RBMS3: variants seen among roughly 807,000 people sequenced by gnomAD.
RBMS3 encodes RNA binding motif single stranded interacting protein 3, also known as RNA-binding motif, single-stranded-interacting protein 3.
A neutral mutation model predicts 66.8 loss-of-function variants in RBMS3; 27 were observed. That is an observed-to-expected ratio of 0.40 (90% CI 0.30 to 0.56). The LOEUF is 0.56. Ranked by LOEUF, RBMS3 falls within the 20% of genes least tolerant of loss-of-function variation. RBMS3 has a pLI of 0.40. For synonymous variants in RBMS3, 188 were observed against 183.0 expected (o/e 1.03, Z -0.22); for missense variants, 513 against 549.5 (o/e 0.93, Z 0.66).
rs902294576 is a variant in RBMS3, at chr3:29,593,552, A to G, written c.399+6347A>G. ...TCAATACTTTATATAGTGATGGACA[A>G]GGGCTATCTGGGGATGCTAATGTTC... On this transcript the variant is annotated intron_variant, in intron 4 of 14. Transcript: ENST00000383767. Among the ~76,000 whole-genome samples, 7 of 152,316 alleles carry G rather than the reference A, an allele frequency of 4.6e-5. No homozygotes were observed. In the East Asian group the frequency reaches 1.4e-3, roughly 29 times the overall value.
intron 4 of RBMS3, among the ~76,000 whole-genome samples, chr3:29,602,792 T>G (rs1438026751): frequency 6.6e-6 from 1 of 151,974 alleles, no homozygotes; most frequent in Non-Finnish European, 1.5e-5. Context: ...ATCTGTTAAT[T>G]TTGTTAGGGA....
chr3:29,442,639 C>T (rs574381558), intron 2 of RBMS3, among the ~76,000 whole-genome samples: 15 of 152,112 alleles, frequency 9.9e-5, no homozygotes, highest in African/African-American at 3.1e-4. Flanking sequence ...ATGCTGAATG[C>T]CTGAAAATTT....
At chr3:29,390,153 A>G (rs1469498293) in intron 1 of RBMS3, among the ~76,000 whole-genome samples, 1 of 152,194 alleles carries the variant, frequency 6.6e-6, no homozygotes, top group Non-Finnish European at 1.5e-5. Flanking sequence ...TTCCATTTTG[A>G]ATGAGTAACA....
chr3:29,452,145 G>A (rs879933511), intron 2 of RBMS3, among the ~76,000 whole-genome samples: 19 of 152,230 alleles, frequency 1.2e-4, no homozygotes, highest in Non-Finnish European at 2.2e-4. Context: ...TAAGAAGCTC[G>A]TAGTCTCTGG....
In RBMS3 at chr3:29,281,668, A is replaced by C; in HGVS notation, c.-14A>C. The C allele has an allele frequency of 6.2e-7, 1 of 1,611,624 alleles. No individual in the cohort carries two copies. Among genetic ancestry groups the C allele is most frequent in the Non-Finnish European group, 8.5e-7 (1 of 1,178,002 alleles). ...CATCCAGTTCCCTGCCTCGGAGATA[A>C]AGATTCCAGCTACATGGGCAAACGC... On this transcript the variant is annotated 5_prime_UTR_variant, in exon 1 of 15. Transcript: ENST00000383767.
chr3:29,621,903 C>A (rs2048879610), intron 4 of RBMS3, among the ~76,000 whole-genome samples: 1 of 152,158 alleles, frequency 6.6e-6, no homozygotes, highest in Non-Finnish European at 1.5e-5. Context: ...GATGCCTAAT[C>A]TAGTCTTCGC....
chr3:29,460,140 A>G (rs1355270278), intron 2 of RBMS3, among the ~76,000 whole-genome samples: 1 of 152,212 alleles, frequency 6.6e-6, no homozygotes, highest in East Asian at 1.9e-4. Flanking sequence ...AGTGACTTTG[A>G]GCCCTTTCTC....
intron 14 of RBMS3, among the ~76,000 whole-genome samples, chr3:29,992,181 A>AAATAATTT (rs1698920196): frequency 6.6e-6 from 1 of 152,228 alleles, no homozygotes; most frequent in African/African-American, 2.4e-5. Flanking sequence ...CCGTTATTTA[A>AAATAATTT]AATAATTTTT....
At chr3:29,515,203 A>G (rs1000973251) in intron 3 of RBMS3, among the ~76,000 whole-genome samples, 4 of 152,196 alleles carry the variant, frequency 2.6e-5, no homozygotes, top group Non-Finnish European at 5.9e-5. Flanking sequence ...CTCCAAAATG[A>G]ATGTAAGTTT....
intron 4 of RBMS3, among the ~76,000 whole-genome samples, chr3:29,649,082 T>C (rs1173736827): frequency 6.6e-6 from 1 of 152,226 alleles, no homozygotes; most frequent in East Asian, 1.9e-4. Context: ...ACTTCTTTGG[T>C]CTAAGGTTTT....
chr3:29,413,891 A>T (rs1044813634), intron 1 of RBMS3, among the ~76,000 whole-genome samples: 4 of 152,018 alleles, frequency 2.6e-5, no homozygotes, highest in Non-Finnish European at 5.9e-5. Flanking sequence ...CATGGTCCTT[A>T]TTCTCTTTTT....
chr3:29,920,580 A>G (rs72848084), intron 10 of RBMS3, among the ~76,000 whole-genome samples: 3,778 of 152,178 alleles, frequency 0.025, 164 homozygotes, highest in African/African-American at 0.086. Flanking sequence ...TCATCATTTC[A>G]TATTTGGATA....
chr3:29,448,795 A>G (rs1255648065), intron 2 of RBMS3, among the ~76,000 whole-genome samples: 1 of 152,118 alleles, frequency 6.6e-6, no homozygotes, highest in Non-Finnish European at 1.5e-5. Flanking sequence ...AACCCCTCCA[A>G]TTCCCAATGA....
chr3:29,896,348 C>T (rs2060123046), intron 8 of RBMS3, among the ~76,000 whole-genome samples: 1 of 151,052 alleles, frequency 6.6e-6, no homozygotes, highest in Non-Finnish European at 1.5e-5. Flanking sequence ...CCATAAATTC[C>T]AAGCTCAGTC....
Position 29,646,094 on chromosome 3 carries a change from T to C in RBMS3, c.399+58889T>C, listed in dbSNP as rs113271511. The stretch of plus-strand genomic sequence containing the variant: ...CTGTCCAATAGTGTAATCATTTGGC[T>C]GTATGCCTGTTTAAATTGAAATTTA... On this transcript the variant is annotated intron_variant, in intron 4 of 14. Coordinates refer to ENST00000383767, the MANE Select transcript of RBMS3 (RefSeq NM_001003793.3). Among the ~76,000 whole-genome samples the C allele has an allele frequency of 1.1e-4, 17 of 152,368 alleles. 1 individual carries two copies. Among genetic ancestry groups the C allele is most frequent in the African/African-American group, 4.1e-4 (17 of 41,596 alleles).
At chr3:29,999,035 A>G (rs1037087404) in intron 14 of RBMS3, among the ~76,000 whole-genome samples, 1 of 152,228 alleles carries the variant, frequency 6.6e-6, no homozygotes, top group Non-Finnish European at 1.5e-5. Flanking sequence ...ACAAAGGGCT[A>G]ATATCCAGAA....
At chr3:29,925,252 A>G (rs1344756955) in intron 10 of RBMS3, 1 of 152,168 alleles carries the variant, frequency 6.6e-6, no homozygotes, top group Non-Finnish European at 1.5e-5. Context: ...TGGTATGTAT[A>G]TTGAGCTAAC....
At chr3:29,317,931 T>G (rs2034785006) in intron 1 of RBMS3, among the ~76,000 whole-genome samples, 1 of 151,876 alleles carries the variant, frequency 6.6e-6, no homozygotes, top group Admixed American at 6.6e-5. Context: ...AACCTCTTTA[T>G]AGTTGAACTT....
At chr3:29,520,575 T>A (rs754998984) in intron 3 of RBMS3, among the ~76,000 whole-genome samples, 1 of 152,160 alleles carries the variant, frequency 6.6e-6, no homozygotes, top group Non-Finnish European at 1.5e-5. Context: ...TTAGCCAACA[T>A]AAACTGAGAA....
Sources: gnomAD v4.1 joint callset for allele counts (sites outside exome capture counted in the v4.1 genomes callset) on GRCh38, gnomAD v4.1.1 for gene constraint, MANE v1.5 for transcripts, NCBI Gene and HGNC (gene_info 2026-07-23, HGNC 2026-07-21) for gene names.